The following MTF1 variants were observed in gnomAD, a reference collection of about 807,000 sequenced individuals.
The protein encoded by MTF1 is metal regulatory transcription factor 1.
Under a neutral mutation model 70.4 loss-of-function variants are expected in MTF1, and 22 were observed. The observed-to-expected ratio is 0.31, with a 90% CI of 0.22 to 0.45. MTF1 has a LOEUF of 0.45. Among genes scored for constraint, MTF1 ranks in the 20% least tolerant of loss-of-function variants. The pLI is 1.00. For missense variants in MTF1, 649 were observed against 922.0 expected, an observed-to-expected ratio of 0.70 and a Z score of 3.83; for synonymous variants, 333 against 352.8, an observed-to-expected ratio of 0.94 and a Z score of 0.63.
At chr1:37,825,209 A>T (rs972960630) in intron 7 of MTF1, among the ~76,000 whole-genome samples, 8 of 152,128 alleles carry the variant, frequency 5.3e-5, no homozygotes, top group African/African-American at 1.9e-4. Flanking sequence ...CAGGCCAGGG[A>T]TTACCAGAAC....
chr1:37,859,230 G>A (rs1358387628), intron 1 of MTF1, among the ~76,000 whole-genome samples: 1 of 152,208 alleles, frequency 6.6e-6, no homozygotes, highest in African/African-American at 2.4e-5. Context: ...TGCGAACAGA[G>A]CCCCCTTGAG....
At chr1:37,833,020 T>A (rs182675665) in intron 6 of MTF1, among the ~76,000 whole-genome samples, 14,175 of 148,888 alleles carry the variant, frequency 0.095, 833 homozygotes, top group Middle Eastern at 0.24. Context: ...AAAAAAAAAA[T>A]AATAATAATA....
At chr1:37,843,098 C>T (rs928665701) in intron 2 of MTF1, among the ~76,000 whole-genome samples, 2 of 152,194 alleles carry the variant, frequency 1.3e-5, no homozygotes, top group Admixed American at 6.5e-5. Context: ...CTCACTGTAA[C>T]TTCAAACTCC....
intron 10 of MTF1, among the ~76,000 whole-genome samples, chr1:37,816,354 T>C (rs900241409): frequency 6.6e-6 from 1 of 152,036 alleles, no homozygotes; most frequent in South Asian, 2.1e-4. Flanking sequence ...CTGGCCAATA[T>C]AGTGAGACTC....
chr1:37,819,565 A>C (rs1026395997), intron 9 of MTF1, among the ~76,000 whole-genome samples: 6 of 152,188 alleles, frequency 3.9e-5, no homozygotes, highest in African/African-American at 1.4e-4. Context: ...TTTGTCTTTT[A>C]TCTCGCTAAA....
intron 2 of MTF1, among the ~76,000 whole-genome samples, chr1:37,847,144 T>C (rs997335961): frequency 2.0e-5 from 3 of 152,184 alleles, no homozygotes; most frequent in Non-Finnish European, 4.4e-5. Context: ...CATCCAGCTG[T>C]TCCCCACACC....
intron 6 of MTF1, among the ~76,000 whole-genome samples, chr1:37,832,721 T>C (rs1347711918): frequency 3.9e-5 from 6 of 152,198 alleles, no homozygotes; most frequent in Admixed American, 3.9e-4. Flanking sequence ...TAAAGAGTTT[T>C]AGAGGCTGAG....
chr1:37,853,641 T>C (rs577704208), intron 2 of MTF1, among the ~76,000 whole-genome samples: 1 of 152,324 alleles, frequency 6.6e-6, no homozygotes, highest in South Asian at 2.1e-4. Flanking sequence ...TTTCATGCTG[T>C]TCCTCTCTCT....
intron 2 of MTF1, among the ~76,000 whole-genome samples, chr1:37,850,792 A>T (rs1641407365): frequency 6.6e-6 from 1 of 152,190 alleles, no homozygotes; most frequent in South Asian, 2.1e-4. Flanking sequence ...TCCACACTAT[A>T]TGAAACAATG....
chr1:37,847,439 C>T (rs1641349978), intron 2 of MTF1, among the ~76,000 whole-genome samples: 1 of 152,148 alleles, frequency 6.6e-6, no homozygotes, highest in Admixed American at 6.5e-5. Flanking sequence ...TATTAAAGCC[C>T]ATAACATAGT....
In MTF1 at chr1:37,842,303, G is replaced by GA. The variant is rs577438373; in HGVS notation, c.409-2146dup. Among the ~76,000 whole-genome samples the GA allele has an allele frequency of 4.6e-5, 7 of 150,958 alleles. No homozygotes were observed. The South Asian group carries it at 1.0e-3, about 22-fold the overall frequency. On this transcript the variant is annotated intron_variant, in intron 2 of 10. Coordinates refer to ENST00000373036, the MANE Select transcript of MTF1 (RefSeq NM_005955.3). ...TGGGCTGGATGATTTAGAAAAGAAAGAAAAAAAAGAAAAAGAATTTTTAAA... is the reference window on the plus strand; with the variant it reads ...TGGGCTGGATGATTTAGAAAAGAAAGAAAAAAAAAGAAAAAGAATTTTTAAA...
chr1:37,833,168 C>T (rs766588), intron 6 of MTF1, among the ~76,000 whole-genome samples: 74,695 of 151,932 alleles, frequency 0.49, 19,748 homozygotes, highest in Non-Finnish European at 0.58. Flanking sequence ...TTCATATAAA[C>T]CTTGGAAGTA....
chr1:37,824,046 C>CG, intron 7 of MTF1, among the ~76,000 whole-genome samples: 1 of 152,220 alleles, frequency 6.6e-6, no homozygotes, highest in East Asian at 1.9e-4. Flanking sequence ...AATCTCACTA[C>CG]GTTGCCCAGG....
At chr1:37,826,241 C>T (rs1221127594) in intron 7 of MTF1, among the ~76,000 whole-genome samples, 1 of 152,136 alleles carries the variant, frequency 6.6e-6, no homozygotes, top group East Asian at 1.9e-4. Context: ...TCTAGAAGTG[C>T]TCAAAGATTA....
intron 2 of MTF1, chr1:37,841,048 C>A: frequency 4.8e-6 from 1 of 208,448 alleles, no homozygotes; most frequent in South Asian, 7.2e-5. Flanking sequence ...TGGAGAAGGT[C>A]TAGCTCTTCT....
At chr1:37,832,637 C>T (rs544264002) in intron 6 of MTF1, among the ~76,000 whole-genome samples, 8 of 152,064 alleles carry the variant, frequency 5.3e-5, no homozygotes, top group Non-Finnish European at 1.2e-4. Context: ...CCCTGCCCCA[C>T]CCCGTGAATT....
Position 37,815,406 on chromosome 1 carries a change from C to T in MTF1, c.1992G>A (p.Gln664=), listed in dbSNP as rs1640800134. The T allele has an allele frequency of 6.2e-7, 1 of 1,613,852 alleles. No homozygotes were observed. Residue 664 remains glutamine (Q), a synonymous_variant, in exon 11 of 11, where the codon CAG becomes CAA. Transcript: ENST00000373036. This position sits in a 1 kb window ranked among gnomAD's most constrained non-coding sequence, Gnocchi z 4.5. ...SSPPPPEPSP[Q]APDGPSLQLP... ...GCTGCAGGCTGGGCCCATCAGGAGCCTGGGGGCTCGGCTCTGGAGGGGGTG... is the reference window on the plus strand; with the variant it reads ...GCTGCAGGCTGGGCCCATCAGGAGCTTGGGGGCTCGGCTCTGGAGGGGGTG...
chr1:37,844,057 G>A lies in MTF1; in HGVS notation c.409-3899C>T, dbSNP rs532766033. 2.0e-5 allele frequency among the ~76,000 whole-genome samples: 3 copies of A among 152,282 alleles called. No homozygotes were observed. In the East Asian group the frequency reaches 5.8e-4, roughly 29 times the overall value. ...TTCTCACGTCTCAGGACCTAGTTTT[G>A]CAGTCATTTGTTGCCAGATTAAGTC... On this transcript the variant is annotated intron_variant, in intron 2 of 10. Coordinates refer to ENST00000373036, the MANE Select transcript of MTF1 (RefSeq NM_005955.3).
At chr1:37,818,586 C>A (rs1000763181) in intron 9 of MTF1, among the ~76,000 whole-genome samples, 2 of 151,902 alleles carry the variant, frequency 1.3e-5, no homozygotes, top group African/African-American at 4.8e-5. Flanking sequence ...CGCCTGTAGT[C>A]CCAGCTAATC....
Sources: gnomAD v4.1 joint callset for allele counts (sites outside exome capture counted in the v4.1 genomes callset) on GRCh38, gnomAD v4.1.1 for gene constraint, Gnocchi (gnomAD v3.1) non-coding constraint, MANE v1.5 for transcripts, NCBI Gene and HGNC (gene_info 2026-07-23, HGNC 2026-07-21) for gene names.